The following CAMK4 variants were observed in gnomAD, a reference collection of about 807,000 sequenced individuals.
CAMK4 encodes the protein calcium/calmodulin dependent protein kinase IV.
Under a neutral mutation model 44.9 loss-of-function variants are expected in CAMK4, and 22 were observed. The observed-to-expected ratio is 0.49, with a 90% confidence interval of 0.35 to 0.70. The LOEUF is 0.70. CAMK4 is among the 30% of genes least tolerant of loss of function. CAMK4 has a pLI of 0.01. For missense variants in CAMK4, 498 were observed against 586.8 expected, an observed-to-expected ratio of 0.85 and a Z score of 1.56; for synonymous variants, 218 against 215.4, an observed-to-expected ratio of 1.01 and a Z score of -0.11.
chr5:111,444,519 C>G (rs1396921451), intron 5 of CAMK4, among the ~76,000 whole-genome samples: 1 of 152,112 alleles, frequency 6.6e-6, no homozygotes, highest in Non-Finnish European at 1.5e-5. Context: ...CCTGCAGAAT[C>G]CACACTGGGC....
intron 1 of CAMK4, among the ~76,000 whole-genome samples, chr5:111,257,101 C>A (rs960813244): frequency 1.3e-5 from 2 of 152,158 alleles, no homozygotes; most frequent in Non-Finnish European, 2.9e-5. Flanking sequence ...GCAAAGATTT[C>A]ATGACAAAAA....
intron 1 of CAMK4, among the ~76,000 whole-genome samples, chr5:111,287,834 A>G (rs1373036104): frequency 6.6e-6 from 1 of 152,190 alleles, no homozygotes; most frequent in African/African-American, 2.4e-5. Context: ...AATGTATAAA[A>G]TATAGATATG....
intron 2 of CAMK4, among the ~76,000 whole-genome samples, chr5:111,363,701 G>A (rs1330112029): frequency 2.0e-5 from 3 of 148,418 alleles, no homozygotes; most frequent in Admixed American, 1.4e-4. Context: ...GAGGCCTGAT[G>A]GAAGAGGGAA....
intron 1 of CAMK4, among the ~76,000 whole-genome samples, chr5:111,232,531 T>A (rs1748527083): frequency 6.6e-6 from 1 of 152,078 alleles, no homozygotes; most frequent in Non-Finnish European, 1.5e-5. Flanking sequence ...CAATGGCAGA[T>A]TGGGTCAGCA....
intron 1 of CAMK4, among the ~76,000 whole-genome samples, chr5:111,261,934 C>T (rs528868365): frequency 6.6e-5 from 10 of 152,024 alleles, no homozygotes; most frequent in Non-Finnish European, 1.5e-4. Flanking sequence ...GTGCAGCAAG[C>T]CTTCTCTTTT....
intron 1 of CAMK4, among the ~76,000 whole-genome samples, chr5:111,260,328 C>T (rs1691554714): frequency 6.6e-6 from 1 of 152,162 alleles, no homozygotes; most frequent in African/African-American, 2.4e-5. Context: ...TCATAGTCTT[C>T]ATTATACAAA....
At chr5:111,420,673 C>G (rs1390513568) in intron 5 of CAMK4, among the ~76,000 whole-genome samples, 1 of 152,134 alleles carries the variant, frequency 6.6e-6, no homozygotes, top group African/African-American at 2.4e-5. Context: ...TAGGCCTATA[C>G]CTCTAGGCGT....
chr5:111,387,363 G>C (rs1751640805), intron 4 of CAMK4, among the ~76,000 whole-genome samples: 2 of 152,100 alleles, frequency 1.3e-5, no homozygotes, highest in African/African-American at 4.8e-5. Flanking sequence ...GAAATTACGT[G>C]TCACCTCATG....
intron 7 of CAMK4, among the ~76,000 whole-genome samples, chr5:111,467,668 G>A (rs765813192): frequency 1.3e-5 from 2 of 152,108 alleles, no homozygotes; most frequent in East Asian, 3.8e-4. Context: ...CCTTACTCCT[G>A]CAAGAATGGC....
Position 111,484,459 on chromosome 5 carries a change from A to T in CAMK4, c.1415A>T (p.Glu472Val), listed in dbSNP as rs1222251103. Reference sequence around the variant, plus strand: ...CCACAGCAAGATGTGATCCTGCCAGAGTACTAAACAGCTTCCTTCAGATCT... The same window carrying T: ...CCACAGCAAGATGTGATCCTGCCAGTGTACTAAACAGCTTCCTTCAGATCT... The part of the protein sequence containing the change: ...EVPQQDVILP[E>V]Y Residue 472 changes from glutamate (E) to valine (V), a missense_variant, in exon 11 of 11, where the codon GAG (glutamate) becomes GTG (valine). By Grantham distance (121) the Glu-to-Val change is moderately radical (BLOSUM62 -2). Transcript: ENST00000282356. This position sits in a 1 kb window ranked among gnomAD's most constrained non-coding sequence, Gnocchi z 5.3. 1.3e-6 allele frequency: 2 copies of T among 1,504,484 alleles called. No individual in the cohort carries two copies. The highest frequency in any genetic ancestry group is 2.8e-5 in the African/African-American group (2 of 71,660). The allele number at this position is 1,504,484 out of a possible 1,614,324, so 93.2% of individuals were successfully genotyped here.
intron 1 of CAMK4, among the ~76,000 whole-genome samples, chr5:111,313,636 A>T (rs1372599785): frequency 2.0e-5 from 3 of 152,134 alleles, no homozygotes; most frequent in Non-Finnish European, 4.4e-5. Context: ...GTTATGATAG[A>T]TTACCATTAA....
At chr5:111,429,913 A>T (rs1753375561) in intron 5 of CAMK4, among the ~76,000 whole-genome samples, 1 of 107,652 alleles carries the variant, frequency 9.3e-6, no homozygotes, top group Admixed American at 9.5e-5. Flanking sequence ...TTCTCAAACT[A>T]TTCCAAAAAA....
intron 1 of CAMK4, among the ~76,000 whole-genome samples, chr5:111,331,559 A>G (rs1039742084): frequency 3.3e-5 from 5 of 151,700 alleles, no homozygotes; most frequent in African/African-American, 1.2e-4. Flanking sequence ...CTCGAGTAAG[A>G]TCATTTGTGT....
rs1648135562 is a variant in CAMK4 at position 111,369,851 on chromosome 5, C to G, written c.241-4999C>G. Reference sequence around the variant, plus strand: ...AAATGCTATGTAAACAGTTGTTATACTGTATTTTTATATGAATATTTTAAT... The same window carrying G: ...AAATGCTATGTAAACAGTTGTTATAGTGTATTTTTATATGAATATTTTAAT... On this transcript the variant is annotated intron_variant, in intron 2 of 10. Coordinates refer to ENST00000282356, the MANE Select transcript of CAMK4 (RefSeq NM_001744.6). 2.0e-5 allele frequency among the ~76,000 whole-genome samples: 3 copies of G among 152,068 alleles called. No homozygotes were observed. In the South Asian group the frequency reaches 6.2e-4, roughly 32 times the overall value.
At chr5:111,338,121 A>C (rs958287660) in intron 1 of CAMK4, among the ~76,000 whole-genome samples, 1 of 151,172 alleles carries the variant, frequency 6.6e-6, no homozygotes, top group Non-Finnish European at 1.5e-5. Flanking sequence ...ATTGGAAATA[A>C]TTATATATTT....
chr5:111,231,602 G>A (rs915197438), intron 1 of CAMK4, among the ~76,000 whole-genome samples: 1 of 152,180 alleles, frequency 6.6e-6, no homozygotes, highest in Non-Finnish European at 1.5e-5. Flanking sequence ...TGGCTTTACT[G>A]AGTATCTGCT....
intron 4 of CAMK4, among the ~76,000 whole-genome samples, chr5:111,385,329 G>A (rs1242527755): frequency 6.6e-6 from 1 of 152,016 alleles, no homozygotes; most frequent in African/African-American, 2.4e-5. Flanking sequence ...CTTCAGGAAG[G>A]AGTAAAATCT....
intron 1 of CAMK4, among the ~76,000 whole-genome samples, chr5:111,239,443 A>G (rs1470216708): frequency 1.3e-5 from 2 of 152,212 alleles, no homozygotes; most frequent in Non-Finnish European, 2.9e-5. Flanking sequence ...AATAGCTAAC[A>G]CACAACACTG....
chr5:111,449,281 A>G (rs1482603107), intron 7 of CAMK4, 78 bp downstream of exon 7: 1 of 641,814 alleles, frequency 1.6e-6, no homozygotes, highest in Non-Finnish European at 2.6e-6. Flanking sequence ...ATTTTTAAAA[A>G]TTCCTAATAT....
Sources: gnomAD v4.1 joint callset for allele counts (sites outside exome capture counted in the v4.1 genomes callset) on GRCh38, gnomAD v4.1.1 for gene constraint, Gnocchi (gnomAD v3.1) non-coding constraint, MANE v1.5 for transcripts, NCBI Gene and HGNC (gene_info 2026-07-23, HGNC 2026-07-21) for gene names.